TF: variants seen among roughly 807,000 people sequenced by gnomAD.
TF encodes the protein serotransferrin.
TF carries 55 observed loss-of-function variants against 82.4 expected under a neutral mutation model. The observed-to-expected ratio is 0.67, with a 90% CI of 0.54 to 0.84. TF has a LOEUF of 0.84. Ranked by LOEUF, TF falls within the 40% of genes least tolerant of loss-of-function variation. The pLI is 0.00. For missense variants in TF, 737 were observed against 868.4 expected (o/e 0.85, Z 1.90); for synonymous variants, 332 against 332.6 (o/e 1.00, Z 0.02).
intron 14 of TF, among the ~76,000 whole-genome samples, chr3:133,771,812 TATTAATAAAAAC>T (rs1251075448): frequency 1.4e-5 from 2 of 141,666 alleles, no homozygotes; most frequent in Non-Finnish European, 3.1e-5. Flanking sequence ...ACAGCCATAA[TATTAATAAAAAC>T]AAACAAAACA....
At chr3:133,684,478 G>C in the TF span, among the ~76,000 whole-genome samples, 3 of 152,134 alleles carry the variant, frequency 2.0e-5, no homozygotes, top group East Asian at 5.8e-4. Flanking sequence ...AAGAAAAAAA[G>C]AGAGAAGAAT....
chr3:133,727,211 G>T, the TF span, among the ~76,000 whole-genome samples: 2 of 151,962 alleles, frequency 1.3e-5, no homozygotes, highest in Non-Finnish European at 2.9e-5. Flanking sequence ...GGGTATCCTT[G>T]TTAACTTTCT....
the TF span, among the ~76,000 whole-genome samples, chr3:133,673,192 T>C: frequency 2.0e-5 from 3 of 152,172 alleles, no homozygotes; most frequent in Non-Finnish European, 4.4e-5. Context: ...TGTAGTAGAA[T>C]GTAATGTGAG....
chr3:133,761,973 A>G (rs6762719), intron 9 of TF: 51,205 of 161,218 alleles, frequency 0.32, 8,526 homozygotes, highest in South Asian at 0.43. Flanking sequence ...TCCCAGAGGT[A>G]GAATTCTTAT....
At chr3:133,662,714 T>C in the TF span, among the ~76,000 whole-genome samples, 1 of 152,330 alleles carries the variant, frequency 6.6e-6, no homozygotes, top group East Asian at 1.9e-4. Context: ...ACTGATTCGT[T>C]GTTGCTTCTT....
In TF at chr3:133,789,032, A is replaced by T. The variant is rs1263578187; in HGVS notation, c.*10412A>T. 2 of 152,278 alleles carry T rather than the reference A, an allele frequency of 1.3e-5. No individual in the cohort carries two copies. The highest frequency in any genetic ancestry group is 4.8e-5 in the African/African-American group (2 of 41,460). 9.4% of individuals were successfully genotyped at this position (152,278 alleles called of 1,614,324 possible). A position where few individuals can be genotyped will look rare whatever the true frequency, so the allele number is the denominator to read the frequency against. ...AGCTCACAATTGCCTCTGGAGGGAA[A>T]ATATGCAAAGCGGCACTGGTGCCCA... On this transcript the variant is annotated 3_prime_UTR_variant, in exon 17 of 17. Coordinates refer to ENST00000402696, the MANE Select transcript of TF (RefSeq NM_001063.4).
At chr3:133,666,759 A>G in the TF span, among the ~76,000 whole-genome samples, 21,885 of 152,184 alleles carry the variant, frequency 0.14, 1,884 homozygotes, top group Non-Finnish European at 0.2. Flanking sequence ...AGGCCTGGCC[A>G]GGCATGGTGG....
the TF span, among the ~76,000 whole-genome samples, chr3:133,697,023 A>G: frequency 6.6e-6 from 1 of 152,202 alleles, no homozygotes; most frequent in Non-Finnish European, 1.5e-5. Flanking sequence ...ATTTTAGATC[A>G]TCGCTTTTTA....
the TF span, among the ~76,000 whole-genome samples, chr3:133,725,166 A>C: frequency 6.6e-6 from 1 of 152,116 alleles, no homozygotes; most frequent in Non-Finnish European, 1.5e-5. Context: ...TATGAACTTT[A>C]AAGTAGTTTT....
At chr3:133,726,573 G>A in the TF span, among the ~76,000 whole-genome samples, 2 of 151,846 alleles carry the variant, frequency 1.3e-5, no homozygotes, top group Non-Finnish European at 2.9e-5. Flanking sequence ...TCTTGCTAGT[G>A]GTCTATCAAT....
chr3:133,672,459 TAAA>T, the TF span, among the ~76,000 whole-genome samples: 1 of 107,432 alleles, frequency 9.3e-6, no homozygotes. Context: ...CAAAAAATCC[TAAA>T]AAAAAAAAAA....
At chr3:133,664,503 A>G in the TF span, among the ~76,000 whole-genome samples, 1 of 151,968 alleles carries the variant, frequency 6.6e-6, no homozygotes, top group Non-Finnish European at 1.5e-5. Context: ...TTGCATTTTT[A>G]GTGGAGACGG....
chr3:133,671,796 A>G, the TF span, among the ~76,000 whole-genome samples: 1 of 132,188 alleles, frequency 7.6e-6, no homozygotes, highest in Admixed American at 7.3e-5. Context: ...CTGTCAAAAG[A>G]AAAAAAAAAA....
chr3:133,717,740 A>C, the TF span, among the ~76,000 whole-genome samples: 60 of 152,172 alleles, frequency 3.9e-4, no homozygotes, highest in Non-Finnish European at 5.9e-5. Context: ...GTTGGTTCTC[A>C]AAAAAGTAAC....
At chr3:133,739,969 A>C in the TF span, among the ~76,000 whole-genome samples, 7 of 152,186 alleles carry the variant, frequency 4.6e-5, no homozygotes, top group South Asian at 1.2e-3. Context: ...TTGACCCAGC[A>C]ATCCCATTAC....
chr3:133,786,385 C>G lies in TF; in HGVS notation c.*7765C>G, dbSNP rs1934686210. On this transcript the variant is annotated 3_prime_UTR_variant, in exon 17 of 17. Coordinates refer to ENST00000402696, the MANE Select transcript of TF (RefSeq NM_001063.4). ...GTTTTGGTTGGGGGGGGTGGCCAAA[C>G]CACCTGTTAATAATACACATTGTGT... 1 of 151,998 alleles carries G rather than the reference C, an allele frequency of 6.6e-6. No individual in the cohort carries two copies. Among genetic ancestry groups the G allele is most frequent in the Non-Finnish European group, 1.5e-5 (1 of 68,046 alleles). 9.4% of individuals were successfully genotyped at this position (151,998 alleles called of 1,614,324 possible).
At chr3:133,682,293 C>T in the TF span, among the ~76,000 whole-genome samples, 7 of 152,126 alleles carry the variant, frequency 4.6e-5, no homozygotes, top group Non-Finnish European at 1.0e-4. Context: ...ATCAGAGCAC[C>T]CTTTCTCCTC....
At chr3:133,732,707 A>C in the TF span, among the ~76,000 whole-genome samples, 1 of 152,222 alleles carries the variant, frequency 6.6e-6, no homozygotes, top group East Asian at 1.9e-4. Flanking sequence ...ACACGTCTGA[A>C]CATCAGAAGG....
chr3:133,728,588 C>T, the TF span, among the ~76,000 whole-genome samples: 1 of 152,118 alleles, frequency 6.6e-6, no homozygotes, highest in African/African-American at 2.4e-5. Flanking sequence ...ACTTCTTTGC[C>T]TTTGGTTTGA....
Sources: gnomAD v4.1 joint callset for allele counts (sites outside exome capture counted in the v4.1 genomes callset) on GRCh38, gnomAD v4.1.1 for gene constraint, MANE v1.5 for transcripts, NCBI Gene and HGNC (gene_info 2026-07-23, HGNC 2026-07-21) for gene names.